The following HMGA2 variants were observed in gnomAD, a reference collection of about 807,000 sequenced individuals.
HMGA2 encodes high mobility group protein HMGI-C.
In HMGA2, 8 loss-of-function variants were observed where a neutral mutation model predicts 19.1. That is an observed-to-expected ratio of 0.42 (90% CI 0.25 to 0.76). HMGA2 has a LOEUF of 0.76. Ranked by LOEUF, HMGA2 falls within the 30% of genes least tolerant of loss-of-function variation. HMGA2 has a pLI of 0.28. For missense variants in HMGA2, 109 were observed against 136.3 expected, an observed-to-expected ratio of 0.80 and a Z score of 1.00; for synonymous variants, 60 against 48.8, an observed-to-expected ratio of 1.23 and a Z score of -0.96.
intron 3 of HMGA2, among the ~76,000 whole-genome samples, chr12:65,909,637 G>A (rs924787653): frequency 1.3e-5 from 2 of 152,174 alleles, no homozygotes; most frequent in African/African-American, 2.4e-5. Flanking sequence ...AGAAAAACAG[G>A]GAACTTTGAC....
intron 3 of HMGA2, among the ~76,000 whole-genome samples, chr12:65,918,157 T>C (rs1377919120): frequency 1.3e-5 from 2 of 152,236 alleles, no homozygotes; most frequent in Non-Finnish European, 2.9e-5. Context: ...CAAAATGTCC[T>C]TCCTAATCTT....
chr12:65,889,629 A>G (rs555262820), intron 3 of HMGA2, among the ~76,000 whole-genome samples: 1 of 152,338 alleles, frequency 6.6e-6, no homozygotes, highest in Admixed American at 6.5e-5. Context: ...AGAGGTATGT[A>G]GGTGAGGAGT....
At chr12:65,947,162 C>T (rs1464105695) in intron 3 of HMGA2, among the ~76,000 whole-genome samples, 1 of 151,870 alleles carries the variant, frequency 6.6e-6, no homozygotes, top group Non-Finnish European at 1.5e-5. Context: ...CTCCGTCACC[C>T]AGGCGGGAGT....
chr12:65,926,497 T>TA (rs1875510127), intron 3 of HMGA2, among the ~76,000 whole-genome samples: 1 of 152,238 alleles, frequency 6.6e-6, no homozygotes, highest in Non-Finnish European at 1.5e-5. Context: ...CTTAAAGTGA[T>TA]AGTAGCAAGT....
intron 3 of HMGA2, among the ~76,000 whole-genome samples, chr12:65,930,155 T>G (rs1463983676): frequency 6.6e-6 from 1 of 152,222 alleles, no homozygotes; most frequent in Non-Finnish European, 1.5e-5. Context: ...ATATTATATC[T>G]GAACAGAATG....
intron 3 of HMGA2, among the ~76,000 whole-genome samples, chr12:65,927,585 T>C (rs1331484239): frequency 6.6e-6 from 1 of 152,182 alleles, no homozygotes; most frequent in Non-Finnish European, 1.5e-5. Flanking sequence ...CCATTTGAGA[T>C]GGAGAAATGG....
chr12:65,963,769 C>A lies in HMGA2; in HGVS notation c.*477C>A, dbSNP rs555038399. 7.8e-6 allele frequency: 2 copies of A among 257,258 alleles called. No individual in the cohort carries two copies. The highest frequency in any genetic ancestry group is 4.4e-5 in the African/African-American group (2 of 45,284). The allele number at this position is 257,258 out of a possible 1,614,324, so 15.9% of individuals were successfully genotyped here. ...TGTACACCTCAAATACCACCCCAAC[C>A]CACTCCCTGTAGTGAATCCTCTGTT... On this transcript the variant is annotated 3_prime_UTR_variant, in exon 5 of 5. Transcript: ENST00000403681.
chr12:65,889,936 T>A (rs546724036), intron 3 of HMGA2, among the ~76,000 whole-genome samples: 1 of 152,332 alleles, frequency 6.6e-6, no homozygotes, highest in East Asian at 1.9e-4. Flanking sequence ...TGAAAAATTC[T>A]TCTGTCTTAT....
intron 4 of HMGA2, chr12:65,952,234 A>G (rs1287174732): frequency 3.0e-6 from 2 of 674,604 alleles, no homozygotes; most frequent in Admixed American, 4.9e-5. Flanking sequence ...CTGCTAAAAT[A>G]AGTAGTAAGC....
chr12:65,946,894 C>T (rs1876284183), intron 3 of HMGA2, among the ~76,000 whole-genome samples: 1 of 152,102 alleles, frequency 6.6e-6, no homozygotes, highest in South Asian at 2.1e-4. Flanking sequence ...ATGTCCTTTC[C>T]TTTTGCTTAT....
At chr12:65,935,317 A>G (rs1875853467) in intron 3 of HMGA2, among the ~76,000 whole-genome samples, 1 of 152,216 alleles carries the variant, frequency 6.6e-6, no homozygotes, top group African/African-American at 2.4e-5. Flanking sequence ...TTATAGTTGA[A>G]TGTGATCTAT....
At chr12:65,853,108 G>A (rs74980477) in intron 3 of HMGA2, among the ~76,000 whole-genome samples, 3,397 of 152,264 alleles carry the variant, frequency 0.022, 62 homozygotes, top group East Asian at 0.094. Flanking sequence ...GCCGACTGAC[G>A]TGTGGGGAAC....
chr12:65,893,397 A>G (rs907545308), intron 3 of HMGA2, among the ~76,000 whole-genome samples: 1 of 152,214 alleles, frequency 6.6e-6, no homozygotes, highest in African/African-American at 2.4e-5. Flanking sequence ...CATTTGTTAT[A>G]ATTTTTGTTT....
intron 2 of HMGA2, among the ~76,000 whole-genome samples, chr12:65,834,300 G>A (rs779048223): frequency 3.3e-5 from 5 of 152,168 alleles, no homozygotes; most frequent in African/African-American, 4.8e-5. Flanking sequence ...GGAAATGTAT[G>A]CCTTCTGCGA....
chr12:65,907,319 A>G (rs897762872), intron 3 of HMGA2, among the ~76,000 whole-genome samples: 6 of 151,066 alleles, frequency 4.0e-5, no homozygotes, highest in Non-Finnish European at 5.9e-5. Flanking sequence ...CTGAGGCAGG[A>G]GAATAGCTTG....
intron 3 of HMGA2, among the ~76,000 whole-genome samples, chr12:65,861,242 T>C (rs773025572): frequency 7.2e-5 from 11 of 152,142 alleles, no homozygotes; most frequent in Non-Finnish European, 1.6e-4. Context: ...GACACATGCC[T>C]GTGGTCCCAG....
chr12:65,827,905 T>C, intron 1 of HMGA2, 96 bp from the exon 2 acceptor site: 1 of 852,746 alleles, frequency 1.2e-6, no homozygotes, highest in Admixed American at 1.8e-5. Flanking sequence ...AACAGCTCTT[T>C]TGAGCAGCAC....
intron 2 of HMGA2, chr12:65,829,126 T>C (rs1870364360): frequency 1.3e-5 from 2 of 152,152 alleles, no homozygotes; most frequent in Non-Finnish European, 1.5e-5. Context: ...TGGGGATTAA[T>C]GTTTTGTGTG....
rs772055044 is a variant in HMGA2 at position 65,964,288 on chromosome 12, CA to C, written c.*1008del. ...TATAGTTATACATCAATTTAAAAAG[CA>C]AAAAAAAAAAAGGGGGGGGCAATCT... On this transcript the variant is annotated 3_prime_UTR_variant, in exon 5 of 5. Transcript: ENST00000403681. The C allele has an allele frequency of 0.036, 5,400 of 150,112 alleles. 2 individuals are homozygous for C. Among genetic ancestry groups the C allele is most frequent in the East Asian group, 0.12 (1,098 of 8,902 alleles). 9.3% of individuals were successfully genotyped at this position (150,112 alleles called of 1,614,324 possible).
Sources: allele counts gnomAD v4.1 joint callset (sites outside exome capture counted in the v4.1 genomes callset), GRCh38; gene constraint gnomAD v4.1.1; transcripts MANE v1.5; gene names NCBI Gene and HGNC (gene_info 2026-07-23, HGNC 2026-07-21).